Variants in CCDC150 observed in about 807,000 individuals in gnomAD.
CCDC150 encodes the protein coiled-coil domain containing 150.
In CCDC150, 151 loss-of-function variants were observed where a neutral mutation model predicts 156.5. That is an observed-to-expected ratio of 0.97 (90% CI 0.85 to 1.10). The LOEUF (loss-of-function observed/expected upper bound fraction) is 1.10, where lower values mean the gene tolerates loss of function less well. CCDC150 is among the 50% of genes least tolerant of loss of function. The pLI, the probability that CCDC150 is intolerant of heterozygous loss-of-function variation, is 0.00. For missense variants in CCDC150, 1,312 were observed against 1,268.1 expected, an observed-to-expected ratio of 1.03 and a Z score of -0.53; for synonymous variants, 452 against 429.4, an observed-to-expected ratio of 1.05 and a Z score of -0.65.
chr2:196,722,880 GA>G (rs955636574), intron 21 of CCDC150, among the ~76,000 whole-genome samples: 17 of 147,554 alleles, frequency 1.2e-4, no homozygotes, highest in South Asian at 6.4e-4. Flanking sequence ...AAAACCAAAG[GA>G]AAAAAAAAAT....
chr2:196,721,715 A>C (rs1697925831), intron 21 of CCDC150, 24 bp downstream of exon 21: 1 of 1,551,188 alleles, frequency 6.4e-7, no homozygotes, highest in African/African-American at 1.4e-5. Context: ...AGTTGCAGTA[A>C]AATTAGGGAA....
chr2:196,655,059 T>C (rs1693108902), intron 2 of CCDC150, among the ~76,000 whole-genome samples: 1 of 152,248 alleles, frequency 6.6e-6, no homozygotes, highest in Admixed American at 6.5e-5. Flanking sequence ...GTTAGATGCA[T>C]GTTCCAGTTC....
chr2:196,658,473 G>A (rs1023275238), intron 4 of CCDC150, among the ~76,000 whole-genome samples: 10 of 152,154 alleles, frequency 6.6e-5, no homozygotes, highest in South Asian at 4.1e-4. Context: ...AGAATATACC[G>A]TGTAAGTAAA....
At chr2:196,700,495 GAAC>G (rs1323775755) in intron 14 of CCDC150, among the ~76,000 whole-genome samples, 1 of 152,028 alleles carries the variant, frequency 6.6e-6, no homozygotes, top group Non-Finnish European at 1.5e-5. Flanking sequence ...TGTAGTCTGA[GAAC>G]AACAGGATAT....
chr2:196,694,091 T>C (rs1039839828), intron 13 of CCDC150, among the ~76,000 whole-genome samples: 7 of 150,732 alleles, frequency 4.6e-5, no homozygotes, highest in Non-Finnish European at 8.9e-5. Context: ...AGTTTCGCTC[T>C]TGTTACCCAG....
chr2:196,650,649 C>T lies in CCDC150; in HGVS notation c.176+4145C>T, dbSNP rs146313664. Among the ~76,000 whole-genome samples, 1,146 of 152,348 alleles carry T rather than the reference C, an allele frequency of 7.5e-3. 6 individuals are homozygous for T. Among genetic ancestry groups the T allele is most frequent in the Non-Finnish European group, 0.014 (923 of 68,032 alleles). On this transcript the variant is annotated intron_variant, in intron 2 of 27. Coordinates refer to ENST00000389175, the MANE Select transcript of CCDC150 (RefSeq NM_001080539.2). ...CCTCGTGATCTGCGTGCCTCGGCCT[C>T]CCAAAGTGCTGGGATTACAGGCATG...
rs1694524711 is a variant in CCDC150, at chr2:196,676,684, CA to C, written c.1395del (p.Glu466ArgfsTer6). 6.2e-7 allele frequency: 1 copy of C among 1,613,758 alleles called. No homozygotes were observed. On this transcript the variant is annotated frameshift_variant, in exon 12 of 28. Coordinates refer to ENST00000389175, the MANE Select transcript of CCDC150 (RefSeq NM_001080539.2). LOFTEE classifies it high-confidence loss of function. ...RLRGELEASM[Q>X]EKKSLLEEKE... ...GCGAGGTGAATTGGAAGCATCAATG[CA>C]AGAGAAGAAGTCTCTGCTAGAGGAG...
intron 5 of CCDC150, among the ~76,000 whole-genome samples, chr2:196,661,575 T>C (rs1236731155): frequency 6.6e-6 from 1 of 152,206 alleles, no homozygotes; most frequent in Non-Finnish European, 1.5e-5. Context: ...GTAGCAGATG[T>C]TGGGCTTCAA....
intron 14 of CCDC150, among the ~76,000 whole-genome samples, chr2:196,695,790 G>C (rs1185293783): frequency 2.1e-5 from 3 of 145,298 alleles, no homozygotes; most frequent in Non-Finnish European, 4.5e-5. Context: ...CAACCTGGGC[G>C]ACAGAGCGAG....
rs555432832 is a variant in CCDC150 at position 196,682,965 on chromosome 2, A to G, written c.1509+5604A>G. ...TCTCTATTTGCTATGTCTATTTGTA[A>G]TACAGATAGTTTCACTTCTTCCTTT... On this transcript the variant is annotated intron_variant, in intron 13 of 27. Transcript: ENST00000389175. Among the ~76,000 whole-genome samples, 4 of 152,092 alleles carry G rather than the reference A, an allele frequency of 2.6e-5. No homozygotes were observed. In the South Asian group the frequency reaches 8.3e-4, roughly 32 times the overall value.
chr2:196,641,119 C>G, intron 1 of CCDC150, among the ~76,000 whole-genome samples: 1 of 150,902 alleles, frequency 6.6e-6, no homozygotes, highest in Non-Finnish European at 1.5e-5. Flanking sequence ...CACGCCACCA[C>G]GCCCGGCTAA....
At chr2:196,640,090 A>G (rs1398848377) in intron 1 of CCDC150, among the ~76,000 whole-genome samples, 1 of 152,142 alleles carries the variant, frequency 6.6e-6, no homozygotes, top group Non-Finnish European at 1.5e-5. Flanking sequence ...TGGGAAGGCT[A>G]TTTCGGCGTT....
intron 5 of CCDC150, among the ~76,000 whole-genome samples, chr2:196,662,092 G>A (rs994505232): frequency 6.6e-6 from 1 of 152,004 alleles, no homozygotes; most frequent in Non-Finnish European, 1.5e-5. Flanking sequence ...ATAAAGTTTA[G>A]GAAAGTATAT....
At chr2:196,671,066 A>T (rs1694171721) in intron 8 of CCDC150, among the ~76,000 whole-genome samples, 1 of 152,158 alleles carries the variant, frequency 6.6e-6, no homozygotes, top group Non-Finnish European at 1.5e-5. Context: ...ATTATCACCC[A>T]GAGTCCATAG....
rs771824526 is a variant in CCDC150 at position 196,726,083 on chromosome 2, A to G, written c.2540A>G (p.Gln847Arg). The change falls in exon 22 of 28, where the codon CAA becomes CGA. Residue 847 changes from glutamine to arginine, a missense_variant. Transcript: ENST00000389175. ...TERETTKKVA[Q>R]REVAELKKAL... is the part of the protein sequence containing the mutation. ...AGAGAAACTACAAAGAAAGTGGCAC[A>G]ACGGGAAGTGGCTGAGGTATAGTCA... The G allele has an allele frequency of 6.2e-6, 10 of 1,613,150 alleles. No individual in the cohort carries two copies. The African/African-American group carries it at 1.3e-4, about 22-fold the overall frequency.
chr2:196,674,137 C>T lies in CCDC150; in HGVS notation c.1030-104C>T, dbSNP rs1006513729. 7 of 699,738 alleles carry T rather than the reference C, an allele frequency of 1.0e-5. No individual in the cohort carries two copies. The Admixed American group carries it at 1.1e-4, about 11-fold the overall frequency. The allele number at this position is 699,738 out of a possible 1,614,324, so 43.3% of individuals were successfully genotyped here. A position where few individuals can be genotyped will look rare whatever the true frequency, so the allele number is the denominator to read the frequency against. ...GAGGATAGGTTAAATAGATTAGTTT[C>T]ATATATACAGTGAGATACTATGCAA... On this transcript the variant is annotated intron_variant, in intron 9 of 27. Coordinates refer to ENST00000389175, the MANE Select transcript of CCDC150 (RefSeq NM_001080539.2).
intron 5 of CCDC150, 73 bp downstream of exon 5, chr2:196,658,933 A>C (rs944749077): frequency 1.9e-6 from 2 of 1,053,642 alleles, no homozygotes; most frequent in African/African-American, 3.2e-5. Context: ...AGAGAGAATG[A>C]AAAGAAACCT....
intron 13 of CCDC150, among the ~76,000 whole-genome samples, chr2:196,692,079 A>C (rs1021746742): frequency 6.8e-6 from 1 of 147,420 alleles, no homozygotes; most frequent in Admixed American, 6.7e-5. Context: ...TTTGTTCTCT[A>C]GTTCCTTTAG....
chr2:196,712,883 AG>A (rs1294649423), intron 17 of CCDC150, 144 bp downstream of exon 17: 5 of 625,774 alleles, frequency 8.0e-6, no homozygotes, highest in Non-Finnish European at 1.4e-5. Context: ...TACCCCAGGA[AG>A]GTGTTACCAG....
Sources: gnomAD v4.1 joint callset for allele counts (sites outside exome capture counted in the v4.1 genomes callset) on GRCh38, gnomAD v4.1.1 for gene constraint, MANE v1.5 for transcripts, NCBI Gene and HGNC (gene_info 2026-07-23, HGNC 2026-07-21) for gene names.